PPP1R12B: variants seen among roughly 807,000 people sequenced by gnomAD.
The protein encoded by PPP1R12B is myosin phosphatase target subunit 2.
A neutral mutation model predicts 126.1 loss-of-function variants in PPP1R12B; 76 were observed. The observed-to-expected ratio is 0.60, with a 90% CI of 0.50 to 0.73. The LOEUF (loss-of-function observed/expected upper bound fraction) is 0.73, where lower values mean the gene tolerates loss of function less well. Ranked by LOEUF, PPP1R12B falls within the 30% of genes least tolerant of loss-of-function variation. The probability of loss-of-function intolerance (pLI) is 0.00; values close to 1 mark genes in which losing one functional copy is unlikely to be tolerated. For missense variants in PPP1R12B, 1,052 were observed against 1,205.1 expected (o/e 0.87, Z 1.88); for synonymous variants, 356 against 434.7 (o/e 0.82, Z 2.25).
At chr1:202,555,714 G>A (rs566370761) in intron 18 of PPP1R12B, among the ~76,000 whole-genome samples, 65 of 152,186 alleles carry the variant, frequency 4.3e-4, no homozygotes, top group African/African-American at 1.5e-3. Flanking sequence ...ACCCCCATAT[G>A]AAGGGTATAG....
intron 1 of PPP1R12B, among the ~76,000 whole-genome samples, chr1:202,410,402 G>A (rs1335969778): frequency 6.6e-6 from 1 of 152,252 alleles, no homozygotes; most frequent in Non-Finnish European, 1.5e-5. Context: ...GACACCTGGA[G>A]CTGGGTTTTA....
At chr1:202,382,430 A>T (rs1662461121) in intron 1 of PPP1R12B, among the ~76,000 whole-genome samples, 1 of 148,650 alleles carries the variant, frequency 6.7e-6, no homozygotes, top group African/African-American at 2.5e-5. Context: ...AATAAAAAAA[A>T]TATATATATA....
intron 23 of PPP1R12B, chr1:202,574,790 A>G (rs1688937220): frequency 2.0e-6 from 1 of 491,342 alleles, no homozygotes. Flanking sequence ...AATCAGACAT[A>G]GCTCTCCTTC....
intron 1 of PPP1R12B, among the ~76,000 whole-genome samples, chr1:202,413,912 C>T (rs1667723399): frequency 6.6e-6 from 1 of 151,960 alleles, no homozygotes; most frequent in South Asian, 2.1e-4. Flanking sequence ...TACCAAACTC[C>T]AACAAGTGAT....
intron 11 of PPP1R12B, among the ~76,000 whole-genome samples, chr1:202,441,880 A>C (rs1452833274): frequency 2.0e-5 from 3 of 151,290 alleles, no homozygotes; most frequent in Admixed American, 2.0e-4. Flanking sequence ...TTTTTGAGAC[A>C]AAGTCTCACT....
intron 1 of PPP1R12B, among the ~76,000 whole-genome samples, chr1:202,374,282 A>G (rs1452604043): frequency 6.6e-6 from 1 of 152,104 alleles, no homozygotes; most frequent in African/African-American, 2.4e-5. Flanking sequence ...AAACCTAGGT[A>G]ACATCTGTGA....
intron 12 of PPP1R12B, chr1:202,443,046 A>AC (rs2148699705): frequency 1.1e-6 from 1 of 949,922 alleles, no homozygotes; most frequent in South Asian, 4.9e-5. Flanking sequence ...TAATTTAGGG[A>AC]CTTGAGTTGT....
intron 8 of PPP1R12B, 72 bp from the exon 9 acceptor site, chr1:202,434,584 C>T: frequency 1.3e-6 from 2 of 1,529,070 alleles, no homozygotes; most frequent in Non-Finnish European, 1.8e-6. Context: ...TTTCTATTAG[C>T]AGAAAAGGAC....
rs778036600 is a variant in PPP1R12B at position 202,349,161 on chromosome 1, T to A, written c.291+19T>A. 4 of 1,612,736 alleles carry A rather than the reference T, an allele frequency of 2.5e-6. No homozygotes were observed. In the South Asian group the frequency reaches 4.4e-5, roughly 18 times the overall value. On this transcript the variant is annotated intron_variant, in intron 1 of 23. Transcript: ENST00000608999. Reference sequence around the variant, plus strand: ...GCACCAGGTAACTCCTTTCTTGGTCTTAGAGGCGTCCAGTCTCCTACAGAT... The same window carrying A: ...GCACCAGGTAACTCCTTTCTTGGTCATAGAGGCGTCCAGTCTCCTACAGAT...
Position 202,434,606 on chromosome 1 carries a change from G to A in PPP1R12B, c.1142-50G>A, listed in dbSNP as rs2148670150. 7 of 1,575,662 alleles carry A rather than the reference G, an allele frequency of 4.4e-6. No individual in the cohort carries two copies. The Middle Eastern group carries it at 5.1e-4, about 115-fold the overall frequency. On this transcript the variant is annotated intron_variant, in intron 8 of 23. Coordinates refer to ENST00000608999, the MANE Select transcript of PPP1R12B (RefSeq NM_002481.4). The stretch of plus-strand genomic sequence containing the variant: ...TAGCAGAAAAGGACATAGACACAAA[G>A]ATAAGATTTTTATACTAGTACTTGT...
chr1:202,405,084 A>T (rs554032968), intron 1 of PPP1R12B, among the ~76,000 whole-genome samples: 1 of 152,308 alleles, frequency 6.6e-6, no homozygotes, highest in East Asian at 1.9e-4. Flanking sequence ...GGGAACACTG[A>T]TTACTGAGAC....
At chr1:202,455,192 A>G (rs531435646) in intron 13 of PPP1R12B, among the ~76,000 whole-genome samples, 3 of 122,672 alleles carry the variant, frequency 2.4e-5, no homozygotes, top group African/African-American at 7.5e-5. Flanking sequence ...GGAGCTATAT[A>G]CATATATATA....
intron 18 of PPP1R12B, among the ~76,000 whole-genome samples, chr1:202,518,035 T>C (rs1429071676): frequency 6.6e-6 from 1 of 152,208 alleles, no homozygotes; most frequent in Non-Finnish European, 1.5e-5. Flanking sequence ...CTGTTGGGAA[T>C]GCAAATTAGT....
intron 18 of PPP1R12B, among the ~76,000 whole-genome samples, chr1:202,519,350 C>T (rs769090625): frequency 4.6e-5 from 7 of 152,004 alleles, no homozygotes; most frequent in South Asian, 2.1e-4. Flanking sequence ...CTGCAGTCTC[C>T]GCCTCTAGAG....
At chr1:202,536,387 A>G (rs182986977) in intron 18 of PPP1R12B, among the ~76,000 whole-genome samples, 3 of 152,328 alleles carry the variant, frequency 2.0e-5, no homozygotes, top group Admixed American at 6.5e-5. Flanking sequence ...GTGTCTAAAC[A>G]TAGAAAAGGT....
intron 1 of PPP1R12B, among the ~76,000 whole-genome samples, chr1:202,363,183 G>T (rs530377455): frequency 6.6e-6 from 1 of 152,188 alleles, no homozygotes; most frequent in South Asian, 2.1e-4. Context: ...AATTTTGGGG[G>T]GCACATTTGT....
In PPP1R12B at chr1:202,365,291, T is replaced by A. The variant is rs1449884287; in HGVS notation, c.291+16149T>A. On this transcript the variant is annotated intron_variant, in intron 1 of 23. Transcript: ENST00000608999. ...TTTAGAGACAGGGAAATCCTAAGTC[T>A]AAAAAAAAAAGCCAATTGTGGTCGC... 4.8e-5 allele frequency among the ~76,000 whole-genome samples: 7 copies of A among 145,576 alleles called. No individual in the cohort carries two copies. In the South Asian group the frequency reaches 1.5e-3, roughly 32 times the overall value.
chr1:202,512,388 A>G (rs1331794995), intron 18 of PPP1R12B, among the ~76,000 whole-genome samples: 3 of 152,226 alleles, frequency 2.0e-5, no homozygotes, highest in Non-Finnish European at 4.4e-5. Flanking sequence ...GCAGGATTTG[A>G]TGTTTTACTA....
intron 18 of PPP1R12B, among the ~76,000 whole-genome samples, chr1:202,536,160 A>G (rs1056098871): frequency 6.6e-6 from 1 of 152,224 alleles, no homozygotes; most frequent in African/African-American, 2.4e-5. Context: ...TAATATGGTC[A>G]CGAGTCCCTT....
Sources: gnomAD v4.1 joint callset for allele counts (sites outside exome capture counted in the v4.1 genomes callset) on GRCh38, gnomAD v4.1.1 for gene constraint, MANE v1.5 for transcripts, NCBI Gene and HGNC (gene_info 2026-07-23, HGNC 2026-07-21) for gene names.